IRAG2: variants seen among roughly 807,000 people sequenced by gnomAD.
IRAG2 encodes inositol 1,4,5-triphosphate receptor associated 2, also known as lymphoid restricted membrane protein.
In IRAG2, 45 loss-of-function variants were observed where a neutral mutation model predicts 69.9. The ratio of observed to expected loss-of-function variants is 0.64; its 90% CI spans 0.51 to 0.83. The LOEUF (loss-of-function observed/expected upper bound fraction) is 0.83, where lower values mean the gene tolerates loss of function less well. Ranked by LOEUF, IRAG2 falls within the 40% of genes least tolerant of loss-of-function variation. The pLI is 0.00. For synonymous variants in IRAG2, 193 were observed against 202.4 expected, an observed-to-expected ratio of 0.95 and a Z score of 0.40; for missense variants, 520 against 587.0, an observed-to-expected ratio of 0.89 and a Z score of 1.18.
exon 15 of IRAG2, chr12:25,036,625 C>A: frequency 2.5e-6 from 1 of 398,886 alleles, no homozygotes; most frequent in Non-Finnish European, 4.4e-6. Context: ...ATTGAAAACT[C>A]TCGACGGTGG....
Position 25,083,495 on chromosome 12 carries a change from TA to T in IRAG2, c.315+4del. ...AAGGATAAAACCATATTAAATCTGGTAAGGAAATACGTATGTTCACAACAAA... is the reference window on the plus strand; with the variant it reads ...AAGGATAAAACCATATTAAATCTGGTAGGAAATACGTATGTTCACAACAAA... On this transcript the variant is annotated splice_donor_region_variant and intron_variant, in intron 10 of 21. Transcript: ENST00000556887. The T allele has an allele frequency of 6.3e-7, 1 of 1,576,822 alleles. No homozygotes were observed. The highest frequency in any genetic ancestry group is 8.7e-7 in the Non-Finnish European group (1 of 1,146,380).
intron 10 of IRAG2, among the ~76,000 whole-genome samples, chr12:25,084,015 C>T (rs1947400241): frequency 7.3e-6 from 1 of 136,828 alleles, no homozygotes; most frequent in African/African-American, 2.6e-5. Context: ...GAAAGTTTTA[C>T]AGTTGCATGG....
intron 1 of IRAG2, among the ~76,000 whole-genome samples, chr12:25,054,551 G>T (rs1945106212): frequency 6.6e-6 from 1 of 152,092 alleles, no homozygotes; most frequent in Admixed American, 6.5e-5. Context: ...TGTCTTCCCA[G>T]TTTATCTTCA....
At chr12:25,104,696 G>A (rs986756023) in intron 20 of IRAG2, among the ~76,000 whole-genome samples, 1 of 152,158 alleles carries the variant, frequency 6.6e-6, no homozygotes, top group African/African-American at 2.4e-5. Context: ...AAAAGACCCT[G>A]GAGTTTGCCA....
At chr12:25,103,061 T>G (rs1303887982) in intron 17 of IRAG2, 1 of 152,240 alleles carries the variant, frequency 6.6e-6, no homozygotes, top group Admixed American at 6.5e-5. Context: ...ATATTCTTGA[T>G]GCTCAACTAA....
chr12:25,054,100 T>C (rs978638556), intron 1 of IRAG2, among the ~76,000 whole-genome samples: 6 of 152,088 alleles, frequency 3.9e-5, no homozygotes, highest in Non-Finnish European at 8.8e-5. Context: ...AAATAAAACA[T>C]TAAAATAGCA....
chr12:25,056,210 G>A lies in IRAG2; in HGVS notation c.-447+3254G>A, dbSNP rs551761232. 3.9e-5 allele frequency among the ~76,000 whole-genome samples: 6 copies of A among 152,246 alleles called. No individual in the cohort carries two copies. The East Asian group carries it at 5.8e-4, about 15-fold the overall frequency. ...GGAGCATGGATTCAAGATGAAAGCCGTGTCCTAAGCAGTCAGTAAACAGGA... is the reference window on the plus strand; with the variant it reads ...GGAGCATGGATTCAAGATGAAAGCCATGTCCTAAGCAGTCAGTAAACAGGA... On this transcript the variant is annotated intron_variant, in intron 1 of 21. Coordinates refer to ENST00000556887, the MANE Select transcript of IRAG2 (RefSeq NM_001366544.2).
At chr12:25,050,176 A>G (rs915104707), upstream of IRAG2, among the ~76,000 whole-genome samples, 3 of 151,732 alleles carry the variant, frequency 2.0e-5, no homozygotes, top group African/African-American at 7.3e-5. Flanking sequence ...GTGAGGATGT[A>G]GAGATATTGG....
intron 16 of IRAG2, among the ~76,000 whole-genome samples, chr12:25,047,073 A>G (rs768957750): frequency 1.3e-5 from 2 of 152,206 alleles, no homozygotes; most frequent in Non-Finnish European, 2.9e-5. Context: ...AATATGTAAT[A>G]GGGAAAGGAT....
chr12:25,063,242 T>C (rs1406283674), intron 3 of IRAG2, among the ~76,000 whole-genome samples: 1 of 152,200 alleles, frequency 6.6e-6, no homozygotes, highest in Non-Finnish European at 1.5e-5. Flanking sequence ...TTTGTATTTT[T>C]AGTAGAGATG....
At chr12:25,033,519 A>G (rs768572301) in intron 12 of IRAG2, among the ~76,000 whole-genome samples, 10 of 152,240 alleles carry the variant, frequency 6.6e-5, no homozygotes, top group Admixed American at 1.3e-4. Context: ...TGACATCAAA[A>G]CGGTATGGAC....
intron 17 of IRAG2, chr12:25,103,537 T>C: frequency 3.5e-6 from 1 of 288,428 alleles, no homozygotes. Context: ...TACATGATTA[T>C]TTAACATAAA....
chr12:25,105,562 T>A (rs1336097389), intron 20 of IRAG2, among the ~76,000 whole-genome samples: 4 of 152,136 alleles, frequency 2.6e-5, no homozygotes, highest in African/African-American at 4.8e-5. Context: ...TTCTTTTTTT[T>A]AAAGTCCTGG....
intron 17 of IRAG2, 92 bp from the exon 18 acceptor site, chr12:25,103,745 C>A: frequency 1.1e-6 from 1 of 888,614 alleles, no homozygotes; most frequent in Non-Finnish European, 1.8e-6. Flanking sequence ...GTCAAGTACA[C>A]GGATATGCAT....
At chr12:25,089,939 G>C (rs1462591336) in intron 13 of IRAG2, 118 bp from the exon 14 acceptor site, 1 of 1,291,868 alleles carries the variant, frequency 7.7e-7, no homozygotes, top group African/African-American at 1.5e-5. Flanking sequence ...GTGCATGTCA[G>C]CATTATGTTG....
At chr12:25,077,328 GAT>G (rs1256848505) in intron 6 of IRAG2, among the ~76,000 whole-genome samples, 384 of 10,936 alleles carry the variant, frequency 0.035, 35 homozygotes, top group African/African-American at 0.047. Context: ...ATATATATAT[GAT>G]ATATATATGA....
intron 13 of IRAG2, among the ~76,000 whole-genome samples, chr12:25,034,583 T>C (rs1944690840): frequency 6.6e-6 from 1 of 152,238 alleles, no homozygotes; most frequent in Non-Finnish European, 1.5e-5. Flanking sequence ...CTGACTCCCT[T>C]ATGCTATATT....
intron 17 of IRAG2, chr12:25,103,075 A>G (rs2140248517): frequency 6.6e-6 from 1 of 152,326 alleles, no homozygotes; most frequent in South Asian, 2.1e-4. Context: ...CAACTAACCT[A>G]TGAAATTAAA....
At chr12:25,106,909 A>AGTTTCAAATATTAAAAACAACAT (rs761638159) in intron 20 of IRAG2, 34 bp from the exon 21 acceptor site, 2 of 994,218 alleles carry the variant, frequency 2.0e-6, no homozygotes, top group East Asian at 5.4e-5. Context: ...TATTATCCTT[A>AGTTTCAAATATTAAAAACAACAT]GTTTCAAATA....
Sources: gnomAD v4.1 joint callset for allele counts (sites outside exome capture counted in the v4.1 genomes callset) on GRCh38, gnomAD v4.1.1 for gene constraint, MANE v1.5 for transcripts, NCBI Gene and HGNC (gene_info 2026-07-23, HGNC 2026-07-21) for gene names.